HK1: variants seen among roughly 807,000 people sequenced by gnomAD.
HK1 encodes the protein hexokinase 1, also known as hexokinase-1.
Under a neutral mutation model 91.6 loss-of-function variants are expected in HK1, and 28 were observed. That is an observed-to-expected ratio of 0.31 (90% CI 0.23 to 0.42). The LOEUF (loss-of-function observed/expected upper bound fraction) is 0.42, where lower values mean the gene tolerates loss of function less well. HK1 is among the 10% of genes least tolerant of loss of function. The pLI, the probability that HK1 is intolerant of heterozygous loss-of-function variation, is 1.00. For synonymous variants in HK1, 430 were observed against 468.1 expected (o/e 0.92, Z 1.05); for missense variants, 770 against 1,219.8 (o/e 0.63, Z 5.49).
At chr10:69,353,081 G>A (rs963409046) in intron 2 of HK1, among the ~76,000 whole-genome samples, 1 of 152,076 alleles carries the variant, frequency 6.6e-6, no homozygotes, top group Admixed American at 6.6e-5. Flanking sequence ...AATTTCTTGG[G>A]TGATAGGAGA....
intron 3 of HK1, among the ~76,000 whole-genome samples, chr10:69,363,257 G>A (rs1849528486): frequency 6.6e-6 from 1 of 152,216 alleles, no homozygotes; most frequent in Non-Finnish European, 1.5e-5. Context: ...GCTGTGGCAT[G>A]GCTGCCAAAA....
rs564057812 is a variant in HK1 at position 69,328,611 on chromosome 10, G to A, written c.63+9601G>A. Among the ~76,000 whole-genome samples the A allele has an allele frequency of 2.0e-5, 3 of 152,302 alleles. No homozygotes were observed. In the East Asian group the frequency reaches 5.8e-4, roughly 29 times the overall value. On this transcript the variant is annotated intron_variant, in intron 1 of 17. Coordinates refer to ENST00000359426, the MANE Select transcript of HK1 (RefSeq NM_000188.3). ...GCATTCAGCCTCATCAAGGCTGATG[G>A]CAGAGCTCCTGCTTTTATTATTTTC...
chr10:69,370,137 T>C (rs1262024349), intron 7 of HK1, among the ~76,000 whole-genome samples: 2 of 152,198 alleles, frequency 1.3e-5, no homozygotes, highest in African/African-American at 4.8e-5. Flanking sequence ...AATCTTCTCT[T>C]TGTTTAATTA....
chr10:69,382,512 C>G lies in HK1; in HGVS notation c.1291C>G (p.Leu431Val). 6.2e-7 allele frequency: 1 copy of G among 1,614,226 alleles called. No individual in the cohort carries two copies. Among genetic ancestry groups the G allele is most frequent in the Non-Finnish European group, 8.5e-7 (1 of 1,180,042 alleles). ...GTATTCCCGGCGTTTCCACAAGACTCTAAGGCGCTTGGTGCCAGACTCCGA... is the reference window on the plus strand; with the variant it reads ...GTATTCCCGGCGTTTCCACAAGACTGTAAGGCGCTTGGTGCCAGACTCCGA... ...PQYSRRFHKT[L>V]RRLVPDSDVR... Residue 431 changes from leucine to valine, a missense_variant, in exon 10 of 18, where the codon CTA becomes GTA. Coordinates refer to ENST00000359426, the MANE Select transcript of HK1 (RefSeq NM_000188.3).
At chr10:69,392,882 A>T (rs1839967838) in intron 15 of HK1, among the ~76,000 whole-genome samples, 1 of 152,244 alleles carries the variant, frequency 6.6e-6, no homozygotes, top group Non-Finnish European at 1.5e-5. Context: ...AGCACCCAGC[A>T]TGAGTCACTC....
At chr10:69,283,168 A>T (rs1209382226) in intron 2 of HK1, among the ~76,000 whole-genome samples, 10 of 132,672 alleles carry the variant, frequency 7.5e-5, no homozygotes, top group Admixed American at 3.2e-4. Flanking sequence ...ATAATCTGGC[A>T]GGGTGCGGTG....
chr10:69,281,833 G>T (rs1346699021), intron 1 of HK1, among the ~76,000 whole-genome samples: 5 of 152,220 alleles, frequency 3.3e-5, no homozygotes, highest in Non-Finnish European at 7.4e-5. Flanking sequence ...GAAGGAAAAA[G>T]GTGGCCTGGA....
At chr10:69,333,508 T>G (rs957017357) in intron 1 of HK1, among the ~76,000 whole-genome samples, 1 of 152,158 alleles carries the variant, frequency 6.6e-6, no homozygotes, top group African/African-American at 2.4e-5. Context: ...TGTGACAGCC[T>G]TGTTCTCTTT....
intron 2 of HK1, among the ~76,000 whole-genome samples, chr10:69,359,429 A>G (rs1849305905): frequency 6.6e-6 from 1 of 152,232 alleles, no homozygotes; most frequent in South Asian, 2.1e-4. Context: ...AACCCTGAGG[A>G]GTAAGCAGAA....
intron 4 of HK1, among the ~76,000 whole-genome samples, chr10:69,367,474 A>G (rs1849767963): frequency 6.6e-6 from 1 of 152,180 alleles, no homozygotes; most frequent in Non-Finnish European, 1.5e-5. Flanking sequence ...CCTTTGTCCC[A>G]CAACACCTGG....
chr10:69,285,920 C>G (rs1479994071), intron 2 of HK1, among the ~76,000 whole-genome samples: 1 of 152,222 alleles, frequency 6.6e-6, no homozygotes, highest in Non-Finnish European at 1.5e-5. Context: ...CCTACTCCGT[C>G]TCCTGGGTAA....
chr10:69,338,427 C>T, intron 1 of HK1: 2 of 1,243,734 alleles, frequency 1.6e-6, no homozygotes, highest in Non-Finnish European at 2.1e-6. Context: ...GTCTCAGACA[C>T]TGGTTTGAGA....
At chr10:69,397,952 A>G (rs1005493541) in intron 16 of HK1, among the ~76,000 whole-genome samples, 1 of 152,216 alleles carries the variant, frequency 6.6e-6, no homozygotes, top group African/African-American at 2.4e-5. Context: ...GCTCTTTTCC[A>G]GTGAGGATAA....
upstream of HK1, chr10:69,318,104 G>C (rs1036600738): frequency 2.0e-6 from 2 of 985,352 alleles, no homozygotes; most frequent in African/African-American, 3.5e-5. Context: ...CCCTGAGGGA[G>C]AGCCACCGGA....
rs140249017 is a variant in HK1 at position 69,332,357 on chromosome 10, T to TTTTCTTTCTTTCTTTCTTTC, written c.64-11462_64-11443dup. ...TGACCATCAAGTTCCCTAGGCCTCA[T>TTTTCTTTCTTTCTTTCTTTC]TTTCTTTCTTTCTTTCTTTCTTTCT... On this transcript the variant is annotated intron_variant, in intron 1 of 17. Transcript: ENST00000359426. Among the ~76,000 whole-genome samples the TTTTCTTTCTTTCTTTCTTTC allele has an allele frequency of 2.8e-4, 40 of 140,832 alleles. 1 individual carries two copies. Among genetic ancestry groups the TTTTCTTTCTTTCTTTCTTTC allele is most frequent in the African/African-American group, 9.7e-4 (37 of 38,026 alleles). 92.4% of individuals were successfully genotyped at this position (140,832 alleles called of 152,430 possible).
chr10:69,342,221 C>A (rs1848329575), intron 1 of HK1, among the ~76,000 whole-genome samples: 1 of 151,800 alleles, frequency 6.6e-6, no homozygotes, highest in South Asian at 2.1e-4. Context: ...GTGTTAAGGT[C>A]TTTTCAGCCT....
intron 1 of HK1, among the ~76,000 whole-genome samples, chr10:69,334,995 G>A (rs1406170565): frequency 1.3e-5 from 2 of 152,174 alleles, no homozygotes; most frequent in African/African-American, 4.8e-5. Context: ...AGACTGGACG[G>A]GGCTTGCGAG....
At chr10:69,319,245 C>A in intron 1 of HK1, 1 of 615,004 alleles carries the variant, frequency 1.6e-6, no homozygotes, top group Non-Finnish European at 2.9e-6. Flanking sequence ...CGAGACCGGG[C>A]TGCCTGCTGC....
At chr10:69,358,069 T>C (rs936275477) in intron 2 of HK1, among the ~76,000 whole-genome samples, 2 of 152,198 alleles carry the variant, frequency 1.3e-5, no homozygotes, top group African/African-American at 4.8e-5. Flanking sequence ...GAAAATGATA[T>C]GCCCCAAAGC....
Sources: allele counts gnomAD v4.1 joint callset (sites outside exome capture counted in the v4.1 genomes callset), GRCh38; gene constraint gnomAD v4.1.1; transcripts MANE v1.5; gene names NCBI Gene and HGNC (gene_info 2026-07-23, HGNC 2026-07-21).